Variants in OR10H1 observed in about 807,000 individuals in gnomAD.
The protein encoded by OR10H1 is olfactory receptor family 10 subfamily H member 1, also known as olfactory receptor 10H1.
In OR10H1, 12 loss-of-function variants were observed where a neutral mutation model predicts 13.1. The ratio of observed to expected loss-of-function variants is 0.92; its 90% CI spans 0.59 to 1.48. The LOEUF (loss-of-function observed/expected upper bound fraction) is 1.48. OR10H1 is among the 40% of genes most tolerant of loss of function. OR10H1 has a pLI of 0.00. For synonymous variants in OR10H1, 168 were observed against 175.6 expected (o/e 0.96, Z 0.34); for missense variants, 363 against 413.1 (o/e 0.88, Z 1.05).
At chr19:15,813,830 G>C (rs934874477) in intron 1 of OR10H1, among the ~76,000 whole-genome samples, 2 of 150,482 alleles carry the variant, frequency 1.3e-5, no homozygotes, top group Non-Finnish European at 3.0e-5. Flanking sequence ...AGAGAGAGAA[G>C]TGGAGAGAGA....
chr19:15,805,220 A>G lies in OR10H1; in HGVS notation c.*1861T>C, dbSNP rs2088888794. The G allele has an allele frequency of 6.6e-6, 1 of 151,868 alleles. No individual in the cohort carries two copies. Among genetic ancestry groups the G allele is most frequent in the African/African-American group, 2.4e-5 (1 of 41,338 alleles). 9.4% of individuals were successfully genotyped at this position (151,868 alleles called of 1,614,324 possible). A position where few individuals can be genotyped will look rare whatever the true frequency, so the allele number is the denominator to read the frequency against. On this transcript the variant is annotated 3_prime_UTR_variant, in exon 4 of 4. Transcript: ENST00000641419. ...TTCTTTTGCTGTGCAGAAGCTCTTT[A>G]GTTTAATTAGATCCCATTTGTCAAT...
chr19:15,805,441 CTTTTTTTT>C lies in OR10H1; in HGVS notation c.*1632_*1639del, dbSNP rs5827307. 110 of 91,344 alleles carry C rather than the reference CTTTTTTTT, an allele frequency of 1.2e-3. No individual in the cohort carries two copies. The highest frequency in any genetic ancestry group is 1.6e-3 in the Non-Finnish European group (78 of 48,818). 5.7% of individuals were successfully genotyped at this position (91,344 alleles called of 1,614,324 possible). A position where few individuals can be genotyped will look rare whatever the true frequency, so the allele number is the denominator to read the frequency against. ...GGGAAGAGACCATGAGGTAAACTTT[CTTTTTTTT>C]TTTTTTTTTTTTTTTTGAGATGGAG... On this transcript the variant is annotated 3_prime_UTR_variant, in exon 4 of 4. Transcript: ENST00000641419.
In OR10H1 at chr19:15,808,066, A is replaced by C; in HGVS notation, c.-11-18T>G. The C allele has an allele frequency of 6.3e-7, 1 of 1,581,014 alleles. No individual in the cohort carries two copies. The highest frequency in any genetic ancestry group is 1.7e-4 in the Middle Eastern group (1 of 5,944). ...GGCTGTGCCTGGGGTGAGATGTGAC[A>C]GGGAGATGTCAGTTACTGCATGAAG... On this transcript the variant is annotated intron_variant, in intron 3 of 3. Transcript: ENST00000641419.
At chr19:15,808,461 A>T (rs918012411) in intron 3 of OR10H1, among the ~76,000 whole-genome samples, 7 of 152,138 alleles carry the variant, frequency 4.6e-5, no homozygotes, top group Non-Finnish European at 1.0e-4. Flanking sequence ...CTAAGGGGGA[A>T]GGACGGCTTG....
chr19:15,812,661 GAGGC>G lies in OR10H1; in HGVS notation c.-564_-561del, dbSNP rs1364606489. On this transcript the variant is annotated 5_prime_UTR_variant, in exon 2 of 4. It introduces an in-frame stop codon into an upstream open reading frame of the 5' UTR. Transcript: ENST00000641419. ...GAAGGAAGGAAGAAAGGGAGGGAGG[GAGGC>G]AGGAAGGAAGGAAGGAGAGTGAGGG... 9 of 144,742 alleles carry G rather than the reference GAGGC, an allele frequency of 6.2e-5. No homozygotes were observed. The East Asian group carries it at 2.0e-3, about 33-fold the overall frequency. The allele number at this position is 144,742 out of a possible 1,614,324, so 9.0% of individuals were successfully genotyped here. A position where few individuals can be genotyped will look rare whatever the true frequency, so the allele number is the denominator to read the frequency against.
intron 2 of OR10H1, among the ~76,000 whole-genome samples, chr19:15,811,722 T>G (rs1282671034): frequency 6.6e-6 from 1 of 152,212 alleles, no homozygotes; most frequent in African/African-American, 2.4e-5. Context: ...CCAAGGCATA[T>G]TAAGCCACCC....
chr19:15,811,085 G>A (rs545035169), intron 2 of OR10H1, among the ~76,000 whole-genome samples: 4 of 152,082 alleles, frequency 2.6e-5, no homozygotes, highest in African/African-American at 9.7e-5. Context: ...GGTGAGCAGA[G>A]GCTGCATTCT....
chr19:15,808,083 T>C (rs1194632672), intron 3 of OR10H1, 35 bp from the exon 4 acceptor site: 2 of 1,542,976 alleles, frequency 1.3e-6, no homozygotes, highest in East Asian at 2.3e-5. Context: ...TGTCAGTTAC[T>C]GCATGAAGAA....
At chr19:15,813,414 CAGAG>C (rs2088945312) in intron 1 of OR10H1, among the ~76,000 whole-genome samples, 1 of 148,616 alleles carries the variant, frequency 6.7e-6, no homozygotes, top group South Asian at 2.1e-4. Flanking sequence ...GTAGGTAAAA[CAGAG>C]AGAGAGAAAG....
chr19:15,804,626 G>A lies in OR10H1; in HGVS notation c.*2455C>T, dbSNP rs1303768743. 1 of 152,146 alleles carries A rather than the reference G, an allele frequency of 6.6e-6. No homozygotes were observed. The highest frequency in any genetic ancestry group is 6.5e-5 in the Admixed American group (1 of 15,284). The allele number at this position is 152,146 out of a possible 1,614,324, so 9.4% of individuals were successfully genotyped here. On this transcript the variant is annotated 3_prime_UTR_variant, in exon 4 of 4. Transcript: ENST00000641419. The stretch of plus-strand genomic sequence containing the variant: ...CATTTTCTTAATCCAGTCTATCATT[G>A]TTGGACATTTGGGTTGGTTCCAAGT...
intron 3 of OR10H1, 21 bp from the exon 4 acceptor site, chr19:15,808,069 GA>G: frequency 1.3e-6 from 2 of 1,571,084 alleles, no homozygotes; most frequent in South Asian, 2.3e-5. Context: ...ATGTGACAGG[GA>G]GATGTCAGTT....
At chr19:15,808,099 C>G (rs1052507043) in intron 3 of OR10H1, 51 bp from the exon 4 acceptor site, 4 of 1,471,246 alleles carry the variant, frequency 2.7e-6, no homozygotes, top group Admixed American at 1.8e-5. Context: ...AAGAAAAGTT[C>G]TCAGCCTTCC....
chr19:15,814,953 C>T (rs2088958305), intron 1 of OR10H1, among the ~76,000 whole-genome samples: 1 of 152,144 alleles, frequency 6.6e-6, no homozygotes, highest in South Asian at 2.1e-4. Flanking sequence ...AAACCATCAC[C>T]TTGGGTCACA....
rs550575859 is a variant in OR10H1, at chr19:15,810,474, T to C, written c.-128-1633A>G. On this transcript the variant is annotated intron_variant, in intron 2 of 3. Transcript: ENST00000641419. ...ATTGTAGCATGCAATTGTAACAGTA[T>C]TAAAACACCACAGCATGCGTCTGAG... Among the ~76,000 whole-genome samples the C allele has an allele frequency of 1.4e-4, 21 of 152,032 alleles. No individual in the cohort carries two copies. The South Asian group carries it at 4.2e-3, about 30-fold the overall frequency.
intron 2 of OR10H1, among the ~76,000 whole-genome samples, chr19:15,809,136 T>A (rs1223134312): frequency 6.6e-6 from 1 of 152,132 alleles, no homozygotes; most frequent in Non-Finnish European, 1.5e-5. Flanking sequence ...GCTTTGGTTG[T>A]TTTCCAGCTC....
chr19:15,808,207 G>C, intron 3 of OR10H1, 159 bp from the exon 4 acceptor site: 2 of 629,754 alleles, frequency 3.2e-6, no homozygotes, highest in Non-Finnish European at 5.6e-6. Context: ...TCAACCTAGT[G>C]AGAACGGTAC....
rs2088910919 is a variant in OR10H1, at chr19:15,807,843, G to A, written c.195C>T (p.Ala65=). The change falls in exon 4 of 4, where the codon GCC becomes GCT. Residue 65 remains alanine (A), a synonymous_variant. Transcript: ENST00000641419. ...TGTAGAGGATCTCGGAGACGGAGAG[G>A]GCGCACAGGAAGAGGTACATGGGCG... is the stretch of plus-strand genomic sequence containing the variant. ...LHTPMYLFLC[A]LSVSEILYTV... 3.1e-6 allele frequency: 5 copies of A among 1,608,944 alleles called. No homozygotes were observed. Among genetic ancestry groups the A allele is most frequent in the East Asian group, 2.2e-5 (1 of 44,866 alleles).
chr19:15,807,973 T>C lies in OR10H1; in HGVS notation c.65A>G (p.His22Arg). The C allele has an allele frequency of 6.2e-7, 1 of 1,613,682 alleles. No individual in the cohort carries two copies. The highest frequency in any genetic ancestry group is 8.5e-7 in the Non-Finnish European group (1 of 1,179,912). Residue 22 changes from histidine (H) to arginine (R), a missense_variant, in exon 4 of 4, where the codon CAC becomes CGC. Coordinates refer to ENST00000641419, the MANE Select transcript of OR10H1 (RefSeq NM_013940.4). ...CAGCAGGAAGAGCATCAGCTGGAGG[T>C]GGGGGAAGACAGAGAAGCCGACGAG... Reference protein sequence around the residue: ...FILVGFSVFPHLQLMLFLLFL... With the variant: ...FILVGFSVFPRLQLMLFLLFL...
chr19:15,814,101 C>T (rs904893946), intron 1 of OR10H1, among the ~76,000 whole-genome samples: 3 of 151,884 alleles, frequency 2.0e-5, no homozygotes, highest in Non-Finnish European at 4.4e-5. Context: ...GAATCATTCT[C>T]TCTCAGAGGG....
Sources: allele counts gnomAD v4.1 joint callset (sites outside exome capture counted in the v4.1 genomes callset), GRCh38; gene constraint gnomAD v4.1.1; transcripts MANE v1.5; gene names NCBI Gene and HGNC (gene_info 2026-07-23, HGNC 2026-07-21).